POC1A: variants seen among roughly 807,000 people sequenced by gnomAD.
The protein encoded by POC1A is POC1 centriolar protein A.
Under a neutral mutation model 47.8 loss-of-function variants are expected in POC1A, and 34 were observed. That is an observed-to-expected ratio of 0.71 (90% CI 0.54 to 0.95). The LOEUF (loss-of-function observed/expected upper bound fraction) is 0.95, where lower values mean the gene tolerates loss of function less well. Ranked by LOEUF, POC1A falls within the 40% of genes least tolerant of loss-of-function variation. The pLI is 0.00. For missense variants in POC1A, 466 were observed against 528.3 expected (o/e 0.88, Z 1.16); for synonymous variants, 177 against 207.6 (o/e 0.85, Z 1.27).
chr3:52,104,037 A>G (rs1377770028), intron 9 of POC1A, among the ~76,000 whole-genome samples: 1 of 152,252 alleles, frequency 6.6e-6, no homozygotes, highest in Non-Finnish European at 1.5e-5. Context: ...AAATATGTAC[A>G]TGAACGTTCA....
At position 52,079,573 on chromosome 3, in the gene POC1A, G is replaced by C. The variant is rs1381076395; in HGVS notation, c.1126-3588C>G. Among the ~76,000 whole-genome samples, 1 of 152,246 alleles carries C rather than the reference G, an allele frequency of 6.6e-6. No homozygotes were observed. Among genetic ancestry groups the C allele is most frequent in the African/African-American group, 2.4e-5 (1 of 41,460 alleles). On this transcript the variant is annotated intron_variant, in intron 10 of 10. Transcript: ENST00000296484. The surrounding 1 kb of genome is among the most constrained non-coding windows in gnomAD (Gnocchi z 4.6). ...CTCACCCTGTGCTCTGTACAGGGGA[G>C]CAGGGGCCAGAGGTCTGGTCCTAGC... is the stretch of plus-strand genomic sequence containing the variant.
intron 10 of POC1A, among the ~76,000 whole-genome samples, chr3:52,094,658 C>T (rs767634823): frequency 6.6e-6 from 1 of 152,232 alleles, no homozygotes; most frequent in Non-Finnish European, 1.5e-5. Flanking sequence ...CAAGTTTCCT[C>T]GGGACGCATT....
At chr3:52,136,145 A>G (rs1439487562) in intron 7 of POC1A, among the ~76,000 whole-genome samples, 3 of 152,146 alleles carry the variant, frequency 2.0e-5, no homozygotes, top group Non-Finnish European at 2.9e-5. Flanking sequence ...TACCCCACAG[A>G]GGGGCTGGGT....
chr3:52,128,647 G>A (rs1194339291), intron 7 of POC1A, among the ~76,000 whole-genome samples: 2 of 152,136 alleles, frequency 1.3e-5, no homozygotes, highest in Non-Finnish European at 2.9e-5. Flanking sequence ...ACATGCTTCA[G>A]GGCCTAGCCT....
intron 10 of POC1A, among the ~76,000 whole-genome samples, chr3:52,078,176 A>G (rs6803639): frequency 0.015 from 2,236 of 152,170 alleles, 53 homozygotes; most frequent in African/African-American, 0.048. Flanking sequence ...GTTTGGTCTC[A>G]GCTTCCCCTG....
At chr3:52,152,542 C>T (rs762097070) in intron 1 of POC1A, among the ~76,000 whole-genome samples, 3 of 151,936 alleles carry the variant, frequency 2.0e-5, no homozygotes, top group Non-Finnish European at 4.4e-5. Flanking sequence ...TGCACTCCAG[C>T]CTGGACGACA....
At chr3:52,129,944 A>G (rs1235188773) in intron 7 of POC1A, among the ~76,000 whole-genome samples, 2 of 152,158 alleles carry the variant, frequency 1.3e-5, no homozygotes, top group African/African-American at 4.8e-5. Flanking sequence ...TTTTAAGGCA[A>G]AACAAGGGAG....
chr3:52,096,234 C>T (rs141347108), intron 10 of POC1A, among the ~76,000 whole-genome samples: 1 of 152,352 alleles, frequency 6.6e-6, no homozygotes, highest in Non-Finnish European at 1.5e-5. Flanking sequence ...CCTGGCATGC[C>T]CCTGCAGTGC....
At chr3:52,147,938 A>T (rs1698422351) in intron 4 of POC1A, among the ~76,000 whole-genome samples, 1 of 152,164 alleles carries the variant, frequency 6.6e-6, no homozygotes, top group South Asian at 2.1e-4. Flanking sequence ...ACTTAGAGGA[A>T]AACCAAACAT....
chr3:52,088,364 A>T (rs1702531179), intron 10 of POC1A, among the ~76,000 whole-genome samples: 1 of 152,212 alleles, frequency 6.6e-6, no homozygotes, highest in Admixed American at 6.5e-5. Context: ...CAAGGGGCAC[A>T]TAATTGCTTC....
chr3:52,151,434 T>A lies in POC1A; in HGVS notation c.19-334A>T, dbSNP rs138778154. Among the ~76,000 whole-genome samples, 813 of 152,146 alleles carry A rather than the reference T, an allele frequency of 5.3e-3. 8 individuals are homozygous for A. The highest frequency in any genetic ancestry group is 0.018 in the African/African-American group (766 of 41,512). ...ATCCAAAAAATAAAACTATTTATGATACATAAAAAAAATAGCAATATTTTA... is the reference window on the plus strand; with the variant it reads ...ATCCAAAAAATAAAACTATTTATGAAACATAAAAAAAATAGCAATATTTTA... On this transcript the variant is annotated intron_variant, in intron 1 of 10. Transcript: ENST00000296484.
intron 9 of POC1A, among the ~76,000 whole-genome samples, chr3:52,097,172 G>A (rs546079533): frequency 1.5e-4 from 23 of 152,360 alleles, no homozygotes; most frequent in Non-Finnish European, 2.9e-4. Context: ...CAACATGGGG[G>A]TGTGCCAGGC....
chr3:52,091,320 G>C (rs901714151), intron 10 of POC1A, among the ~76,000 whole-genome samples: 3 of 152,204 alleles, frequency 2.0e-5, no homozygotes, highest in African/African-American at 7.2e-5. Flanking sequence ...ATTCCCATAG[G>C]GGGCTCAAGG....
At chr3:52,148,958 G>A (rs934102582) in intron 4 of POC1A, among the ~76,000 whole-genome samples, 2 of 152,214 alleles carry the variant, frequency 1.3e-5, no homozygotes, top group African/African-American at 2.4e-5. Flanking sequence ...TGCCAACACA[G>A]ATGTCAGAGG....
chr3:52,136,613 C>T (rs908916672), intron 7 of POC1A, among the ~76,000 whole-genome samples: 1 of 152,212 alleles, frequency 6.6e-6, no homozygotes, highest in African/African-American at 2.4e-5. Context: ...GAGCCTGGTG[C>T]CCTGAAGAAG....
At chr3:52,137,257 T>C (rs1377233888) in intron 7 of POC1A, among the ~76,000 whole-genome samples, 1 of 152,118 alleles carries the variant, frequency 6.6e-6, no homozygotes, top group Non-Finnish European at 1.5e-5. Flanking sequence ...CCCCTAGTCA[T>C]AGCCAAATGG....
At chr3:52,131,823 G>C (rs1000328109) in intron 7 of POC1A, among the ~76,000 whole-genome samples, 7 of 152,158 alleles carry the variant, frequency 4.6e-5, no homozygotes, top group African/African-American at 1.7e-4. Context: ...GAACCCCTGA[G>C]AGATTCCGAA....
chr3:52,085,244 C>A (rs940822259), intron 10 of POC1A, among the ~76,000 whole-genome samples: 1 of 152,182 alleles, frequency 6.6e-6, no homozygotes, highest in Non-Finnish European at 1.5e-5. Flanking sequence ...CTGGGCTCCT[C>A]CTGCACTAGG....
rs952296581 is a variant in POC1A at position 52,090,451 on chromosome 3, A to G, written c.1125+6118T>C. ...TCCTGGGTCATTGTCCACACCCCAG[A>G]GATCCACCCCCTTGCCCTAAGGAAG... On this transcript the variant is annotated intron_variant, in intron 10 of 10. Coordinates refer to ENST00000296484, the MANE Select transcript of POC1A (RefSeq NM_015426.5). The surrounding 1 kb of genome is among the most constrained non-coding windows in gnomAD (Gnocchi z 4.2). Among the ~76,000 whole-genome samples the G allele has an allele frequency of 6.6e-6, 1 of 152,296 alleles. No individual in the cohort carries two copies. The highest frequency in any genetic ancestry group is 2.4e-5 in the African/African-American group (1 of 41,556).
Sources: allele counts gnomAD v4.1 joint callset (sites outside exome capture counted in the v4.1 genomes callset), GRCh38; gene constraint gnomAD v4.1.1; non-coding constraint Gnocchi (gnomAD v3.1); transcripts MANE v1.5; gene names NCBI Gene and HGNC (gene_info 2026-07-23, HGNC 2026-07-21).